Variants in ROBO2 observed in about 807,000 individuals in gnomAD.
ROBO2 encodes roundabout homolog 2.
A neutral mutation model predicts 160.8 loss-of-function variants in ROBO2; 53 were observed. The ratio of observed to expected loss-of-function variants is 0.33; its 90% CI spans 0.26 to 0.41. The LOEUF (loss-of-function observed/expected upper bound fraction) is 0.41. Among genes scored for constraint, ROBO2 ranks in the 10% least tolerant of loss-of-function variants. The pLI, the probability that ROBO2 is intolerant of heterozygous loss-of-function variation, is 1.00. For synonymous variants in ROBO2, 664 were observed against 611.7 expected, an observed-to-expected ratio of 1.09 and a Z score of -1.26; for missense variants, 1,577 against 1,722.4, an observed-to-expected ratio of 0.92 and a Z score of 1.49.
chr3:76,318,131 A>G (rs1345783712), intron 2 of ROBO2, among the ~76,000 whole-genome samples: 1 of 152,092 alleles, frequency 6.6e-6, no homozygotes, highest in Non-Finnish European at 1.5e-5. Context: ...AAAAAATTGG[A>G]AAGAGTTTTG....
intron 2 of ROBO2, among the ~76,000 whole-genome samples, chr3:76,774,644 C>G (rs1276904156): frequency 1.3e-5 from 2 of 150,714 alleles, no homozygotes; most frequent in Non-Finnish European, 3.0e-5. Flanking sequence ...GATGGAAGAT[C>G]AAGACTAGAG....
At chr3:77,347,382 C>T (rs1206448909) in intron 2 of ROBO2, among the ~76,000 whole-genome samples, 1 of 152,024 alleles carries the variant, frequency 6.6e-6, no homozygotes, top group African/African-American at 2.4e-5. Flanking sequence ...ATTTGCGCTT[C>T]CATGTTCTTA....
intron 2 of ROBO2, among the ~76,000 whole-genome samples, chr3:77,426,378 T>C (rs2153537216): frequency 6.6e-6 from 1 of 152,056 alleles, no homozygotes; most frequent in Middle Eastern, 3.4e-3. Flanking sequence ...GAAGATGAGT[T>C]CCACTTTGTA....
chr3:76,241,810 A>T (rs1705305454), intron 2 of ROBO2, among the ~76,000 whole-genome samples: 1 of 152,198 alleles, frequency 6.6e-6, no homozygotes, highest in Non-Finnish European at 1.5e-5. Context: ...GTACTGTCTG[A>T]ATGATAGGAA....
chr3:76,460,946 C>A (rs893050474), intron 2 of ROBO2, among the ~76,000 whole-genome samples: 3 of 152,066 alleles, frequency 2.0e-5, no homozygotes, highest in Admixed American at 2.0e-4. Flanking sequence ...AAAGAATAGA[C>A]AATACAGAAA....
chr3:76,034,251 A>C (rs936151813), intron 2 of ROBO2, among the ~76,000 whole-genome samples: 1 of 152,214 alleles, frequency 6.6e-6, no homozygotes, highest in Non-Finnish European at 1.5e-5. Context: ...TATTTCCTGA[A>C]GGAAAAAAAA....
At chr3:75,942,843 T>C (rs1374454142) in intron 2 of ROBO2, among the ~76,000 whole-genome samples, 1 of 152,150 alleles carries the variant, frequency 6.6e-6, no homozygotes, top group African/African-American at 2.4e-5. Flanking sequence ...TTGAGAAAAT[T>C]ATCTGTGTAG....
At chr3:76,506,958 G>A (rs1199725074) in intron 2 of ROBO2, among the ~76,000 whole-genome samples, 3 of 152,116 alleles carry the variant, frequency 2.0e-5, no homozygotes, top group African/African-American at 4.8e-5. Flanking sequence ...AAGTTATGAT[G>A]TTAAGTTTAT....
chr3:75,994,382 C>T (rs1261164644), intron 2 of ROBO2, among the ~76,000 whole-genome samples: 2 of 152,150 alleles, frequency 1.3e-5, no homozygotes, highest in African/African-American at 4.8e-5. Flanking sequence ...TTCCCAGAAT[C>T]CCATGTCATG....
At chr3:76,701,230 C>A (rs72890211) in intron 2 of ROBO2, among the ~76,000 whole-genome samples, 2,373 of 152,092 alleles carry the variant, frequency 0.016, 72 homozygotes, top group African/African-American at 0.054. Context: ...ATGAAGGAAA[C>A]CTGTTATTTT....
At chr3:76,894,942 GT>G (rs111745830) in intron 2 of ROBO2, among the ~76,000 whole-genome samples, 2,450 of 152,000 alleles carry the variant, frequency 0.016, 27 homozygotes, top group African/African-American at 0.027. Context: ...ACACAGTTTG[GT>G]TTTTTTCCTT....
At chr3:76,775,259 C>A (rs2062172623) in intron 2 of ROBO2, among the ~76,000 whole-genome samples, 1 of 150,574 alleles carries the variant, frequency 6.6e-6, no homozygotes, top group South Asian at 2.1e-4. Context: ...TACTGTTGCG[C>A]ATCTTGAAGT....
rs976805354 is a variant in ROBO2 at position 76,427,262 on chromosome 3, TA to T, written c.109+489671del. Among the ~76,000 whole-genome samples the T allele has an allele frequency of 2.6e-3, 359 of 140,124 alleles. 1 individual carries two copies. Among genetic ancestry groups the T allele is most frequent in the African/African-American group, 8.5e-3 (328 of 38,488 alleles). 91.9% of individuals were successfully genotyped at this position (140,124 alleles called of 152,430 possible). A position where few individuals can be genotyped will look rare whatever the true frequency, so the allele number is the denominator to read the frequency against. On this transcript the variant is annotated intron_variant, in intron 2 of 26. Transcript: ENST00000487694. ...GTGAACAGTTTTGACCTTTAATGCC[TA>T]AAAAAAAAAACCACTCGCTTGCAAC...
intron 2 of ROBO2, among the ~76,000 whole-genome samples, chr3:76,301,849 AC>A (rs1016730886): frequency 1.3e-5 from 2 of 151,954 alleles, no homozygotes; most frequent in Non-Finnish European, 2.9e-5. Context: ...ATTTTTCTAA[AC>A]CCTTCTGAGA....
chr3:76,339,510 C>T (rs2074089606), intron 2 of ROBO2, among the ~76,000 whole-genome samples: 1 of 151,934 alleles, frequency 6.6e-6, no homozygotes, highest in Admixed American at 6.6e-5. Context: ...AAAGATTGAC[C>T]TGGGAGTTTA....
chr3:77,242,289 G>A (rs558455897), intron 2 of ROBO2, among the ~76,000 whole-genome samples: 2 of 152,042 alleles, frequency 1.3e-5, no homozygotes, highest in Non-Finnish European at 2.9e-5. Flanking sequence ...ATTCTTCTCT[G>A]TTCCCTTTTT....
chr3:77,376,697 C>A (rs2072727587), intron 2 of ROBO2, among the ~76,000 whole-genome samples: 1 of 152,044 alleles, frequency 6.6e-6, no homozygotes, highest in African/African-American at 2.4e-5. Flanking sequence ...ATGTTAATTA[C>A]CTGCATATTT....
chr3:76,390,258 A>G (rs2077084194), intron 2 of ROBO2, among the ~76,000 whole-genome samples: 1 of 152,152 alleles, frequency 6.6e-6, no homozygotes, highest in Non-Finnish European at 1.5e-5. Flanking sequence ...ATAAAATCTC[A>G]CATTGTTTTT....
intron 2 of ROBO2, among the ~76,000 whole-genome samples, chr3:76,264,734 G>A (rs1178201039): frequency 1.3e-5 from 2 of 152,104 alleles, no homozygotes; most frequent in Non-Finnish European, 2.9e-5. Context: ...CATAAGATCA[G>A]CTCTGGAATA....
Sources: gnomAD v4.1 joint callset for allele counts (sites outside exome capture counted in the v4.1 genomes callset) on GRCh38, gnomAD v4.1.1 for gene constraint, MANE v1.5 for transcripts, NCBI Gene and HGNC (gene_info 2026-07-23, HGNC 2026-07-21) for gene names.